The following ACMSD variants were observed in gnomAD, a reference collection of about 807,000 sequenced individuals.
ACMSD encodes the protein 2-amino-3-carboxymuconate-6-semialdehyde decarboxylase.
A neutral mutation model predicts 45.9 loss-of-function variants in ACMSD; 37 were observed. The observed-to-expected ratio is 0.81, with a 90% CI of 0.62 to 1.06. ACMSD has a LOEUF of 1.06. Among genes scored for constraint, ACMSD ranks in the 50% least tolerant of loss-of-function variants. The pLI, the probability that ACMSD is intolerant of heterozygous loss-of-function variation, is 0.00. For synonymous variants in ACMSD, 138 were observed against 148.8 expected (o/e 0.93, Z 0.53); for missense variants, 434 against 420.9 (o/e 1.03, Z -0.27).
rs554869359 is a variant in ACMSD, at chr2:134,877,926, C to G, written c.849+5285C>G. ...TTGAAGGCATATTTTAAAACTACCT[C>G]ATTCCACTCTCTGGCCACAAATTAT... On this transcript the variant is annotated intron_variant, in intron 8 of 9. Coordinates refer to ENST00000356140, the MANE Select transcript of ACMSD (RefSeq NM_138326.3). 1.2e-4 allele frequency among the ~76,000 whole-genome samples: 19 copies of G among 152,240 alleles called. No homozygotes were observed. In the South Asian group the frequency reaches 3.9e-3, roughly 32 times the overall value.
chr2:134,901,958 T>C lies in ACMSD; in HGVS notation c.*98T>C, dbSNP rs1690525671. The C allele has an allele frequency of 1.3e-6, 1 of 787,978 alleles. No homozygotes were observed. Among genetic ancestry groups the C allele is most frequent in the Non-Finnish European group, 2.0e-6 (1 of 510,440 alleles). 48.8% of individuals were successfully genotyped at this position (787,978 alleles called of 1,614,324 possible). A position where few individuals can be genotyped will look rare whatever the true frequency, so the allele number is the denominator to read the frequency against. On this transcript the variant is annotated 3_prime_UTR_variant, in exon 10 of 10. Coordinates refer to ENST00000356140, the MANE Select transcript of ACMSD (RefSeq NM_138326.3). ...CAACAAAATCCTATTTTGAACTATT[T>C]TACTCAGAAATGAATGTCCCAAATA...
chr2:134,858,135 G>T (rs1019707455), intron 2 of ACMSD, among the ~76,000 whole-genome samples: 3 of 152,058 alleles, frequency 2.0e-5, no homozygotes, highest in African/African-American at 7.2e-5. Context: ...CAATCTAAGT[G>T]TCCATCAGTG....
At position 134,850,118 on chromosome 2, in the gene ACMSD, C is replaced by T. The variant is rs559326641; in HGVS notation, c.102+4841C>T. ...AAATTCATATGTCGAAGTACTAACC[C>T]CCTTAAAAAATGAAAAAGATTGCAA... On this transcript the variant is annotated intron_variant, in intron 2 of 9. Coordinates refer to ENST00000356140, the MANE Select transcript of ACMSD (RefSeq NM_138326.3). Among the ~76,000 whole-genome samples the T allele has an allele frequency of 7.4e-5, 11 of 149,596 alleles. No individual in the cohort carries two copies. In the South Asian group the frequency reaches 2.3e-3, roughly 32 times the overall value.
At chr2:134,893,550 C>A (rs1178944860) in intron 8 of ACMSD, among the ~76,000 whole-genome samples, 1 of 152,146 alleles carries the variant, frequency 6.6e-6, no homozygotes, top group Non-Finnish European at 1.5e-5. Flanking sequence ...CTCTCTGCCT[C>A]TTTTGTAGGC....
intron 5 of ACMSD, among the ~76,000 whole-genome samples, chr2:134,864,053 G>A (rs1687978870): frequency 6.6e-6 from 1 of 152,054 alleles, no homozygotes; most frequent in African/African-American, 2.4e-5. Context: ...CGGATCACTT[G>A]AGGCCAGAAG....
rs1467620560 is a variant in ACMSD, at chr2:134,853,589, C to G, written c.103-5672C>G. ...ACCAGGACCCAAGAAATCCCTGTTT[C>G]CTCCTCCAGCAGCAAGTGCTGACAG... On this transcript the variant is annotated intron_variant, in intron 2 of 9. Coordinates refer to ENST00000356140, the MANE Select transcript of ACMSD (RefSeq NM_138326.3). 2.0e-5 allele frequency among the ~76,000 whole-genome samples: 3 copies of G among 152,120 alleles called. No homozygotes were observed. In the East Asian group the frequency reaches 5.8e-4, roughly 29 times the overall value.
At chr2:134,897,863 T>C (rs2104969641) in intron 8 of ACMSD, among the ~76,000 whole-genome samples, 1 of 151,356 alleles carries the variant, frequency 6.6e-6, no homozygotes, top group South Asian at 2.1e-4. Flanking sequence ...ATTTTCTTTT[T>C]CTATTTTTTG....
At position 134,840,166 on chromosome 2, in the gene ACMSD, G is replaced by GAAAAAAAAAA. The variant is rs1559034706; in HGVS notation, c.57+1427_57+1428insAAAAAAAAAA. ...TTAAAATAGCCATAAACTATACCTAGCAAAAAAAAAAAAAAAAAAAAAAAA... is the reference window on the plus strand; with the variant it reads ...TTAAAATAGCCATAAACTATACCTAGAAAAAAAAAACAAAAAAAAAAAAAAAAAAAAAAAA... On this transcript the variant is annotated intron_variant, in intron 1 of 9. Transcript: ENST00000356140. Among the ~76,000 whole-genome samples, 37 of 12,056 alleles carry GAAAAAAAAAA rather than the reference G, an allele frequency of 3.1e-3. 1 individual carries two copies. The highest frequency in any genetic ancestry group is 0.014 in the African/African-American group (37 of 2,714). 7.9% of individuals were successfully genotyped at this position (12,056 alleles called of 152,430 possible). A position where few individuals can be genotyped will look rare whatever the true frequency, so the allele number is the denominator to read the frequency against.
chr2:134,848,443 T>C (rs1429182422), intron 2 of ACMSD, among the ~76,000 whole-genome samples: 2 of 152,208 alleles, frequency 1.3e-5, no homozygotes, highest in Non-Finnish European at 2.9e-5. Context: ...CAGCATCTGT[T>C]GTTTCCTGAC....
At chr2:134,855,762 A>T (rs1687551931) in intron 2 of ACMSD, among the ~76,000 whole-genome samples, 1 of 152,242 alleles carries the variant, frequency 6.6e-6, no homozygotes, top group African/African-American at 2.4e-5. Flanking sequence ...TATATGTGCA[A>T]AATGAACAGG....
intron 8 of ACMSD, among the ~76,000 whole-genome samples, chr2:134,884,205 T>A (rs1199028611): frequency 2.0e-5 from 3 of 152,288 alleles, no homozygotes; most frequent in Non-Finnish European, 1.5e-5. Context: ...AGTTACTAAA[T>A]AATAATTCAA....
chr2:134,901,647 A>G (rs959177637), intron 9 of ACMSD, 151 bp from the exon 10 acceptor site: 1 of 458,608 alleles, frequency 2.2e-6, no homozygotes, highest in African/African-American at 2.0e-5. Context: ...AACATAGGTC[A>G]AGAGGATTTT....
chr2:134,840,175 A>AAAAAAAAAAAAC (rs1686723405), intron 1 of ACMSD, among the ~76,000 whole-genome samples: 1 of 137,102 alleles, frequency 7.3e-6, no homozygotes, highest in Non-Finnish European at 1.5e-5. Flanking sequence ...AGCAAAAAAA[A>AAAAAAAAAAAAC]AAAAAAAAAA....
intron 8 of ACMSD, among the ~76,000 whole-genome samples, chr2:134,891,852 G>A (rs1689802447): frequency 6.6e-6 from 1 of 152,128 alleles, no homozygotes; most frequent in African/African-American, 2.4e-5. Flanking sequence ...TAAATGACTG[G>A]ATAAAGAAAC....
At chr2:134,870,148 C>T (rs1012895904) in intron 6 of ACMSD, among the ~76,000 whole-genome samples, 4 of 152,170 alleles carry the variant, frequency 2.6e-5, no homozygotes, top group African/African-American at 4.8e-5. Flanking sequence ...AGCTGTGGAG[C>T]GGTCAGATTT....
At chr2:134,860,646 A>C (rs1292885749) in intron 3 of ACMSD, among the ~76,000 whole-genome samples, 1 of 152,188 alleles carries the variant, frequency 6.6e-6, no homozygotes, top group Non-Finnish European at 1.5e-5. Flanking sequence ...CGGTCAGCCT[A>C]AAGTGAGTAG....
chr2:134,875,125 C>G (rs1338004056), intron 8 of ACMSD, among the ~76,000 whole-genome samples: 1 of 152,086 alleles, frequency 6.6e-6, no homozygotes, highest in Non-Finnish European at 1.5e-5. Flanking sequence ...CTCAGCCTCC[C>G]AAGTAGCTAG....
chr2:134,843,436 C>T (rs1009989831), intron 1 of ACMSD, among the ~76,000 whole-genome samples: 25 of 152,122 alleles, frequency 1.6e-4, no homozygotes, highest in Non-Finnish European at 3.5e-4. Flanking sequence ...TAATCCAAAC[C>T]TTAAGAAGCT....
chr2:134,861,075 G>C (rs1005138806), intron 3 of ACMSD, among the ~76,000 whole-genome samples: 1 of 151,988 alleles, frequency 6.6e-6, no homozygotes, highest in East Asian at 1.9e-4. Flanking sequence ...CATTTAAATT[G>C]AACTTTGCAG....
Sources: gnomAD v4.1 joint callset for allele counts (sites outside exome capture counted in the v4.1 genomes callset) on GRCh38, gnomAD v4.1.1 for gene constraint, MANE v1.5 for transcripts, NCBI Gene and HGNC (gene_info 2026-07-23, HGNC 2026-07-21) for gene names.